Variants in GADL1 observed in about 807,000 individuals in gnomAD.
GADL1 encodes GAD like acidic amino acid decarboxylase 1, also known as acidic amino acid decarboxylase GADL1.
Under a neutral mutation model 69.5 loss-of-function variants are expected in GADL1, and 71 were observed. That is an observed-to-expected ratio of 1.02 (90% CI 0.84 to 1.25). The LOEUF is 1.25. Among genes scored for constraint, GADL1 ranks in the 50% most tolerant of loss-of-function variants. The probability of loss-of-function intolerance (pLI) is 0.00; values close to 1 mark genes in which losing one functional copy is unlikely to be tolerated. For missense variants in GADL1, 737 were observed against 631.8 expected (o/e 1.17, Z -1.79); for synonymous variants, 254 against 214.4 (o/e 1.18, Z -1.62).
rs1697244734 is a variant in GADL1 at position 30,805,874 on chromosome 3, A to G, written c.1051-4786T>C. Among the ~76,000 whole-genome samples the G allele has an allele frequency of 2.6e-5, 4 of 151,418 alleles. No homozygotes were observed. In the Admixed American group the frequency reaches 2.6e-4, roughly 10 times the overall value. ...ACCTCAAATCAGGCATTAGAGTCTC[A>G]TAAGAATCACGTGACCTAGATCCCT... On this transcript the variant is annotated intron_variant, in intron 11 of 14. Coordinates refer to ENST00000282538, the MANE Select transcript of GADL1 (RefSeq NM_207359.3).
chr3:30,786,471 T>C (rs990999536), intron 12 of GADL1, 65 bp from the exon 13 acceptor site: 2 of 854,896 alleles, frequency 2.3e-6, no homozygotes, highest in African/African-American at 3.4e-5. Context: ...ACATGACTGA[T>C]ATGACAAAAC....
intron 3 of GADL1, among the ~76,000 whole-genome samples, chr3:30,855,539 C>A (rs927352204): frequency 6.6e-6 from 1 of 152,040 alleles, no homozygotes; most frequent in Non-Finnish European, 1.5e-5. Flanking sequence ...CTTACATACA[C>A]TTCTGATTCA....
rs534877171 is a variant in GADL1 at position 30,874,866 on chromosome 3, C to CA, written c.38-13102dup. Among the ~76,000 whole-genome samples the CA allele has an allele frequency of 1.9e-3, 282 of 151,822 alleles. 1 individual carries two copies. The South Asian group carries it at 0.028, about 15-fold the overall frequency. On this transcript the variant is annotated intron_variant, in intron 1 of 14. Coordinates refer to ENST00000282538, the MANE Select transcript of GADL1 (RefSeq NM_207359.3). Reference sequence around the variant, plus strand: ...GTATATCAGCTGTCTATAGTTGTACCAAAAAAGGAACCCAAAATTTAGTAG... The same window carrying CA: ...GTATATCAGCTGTCTATAGTTGTACCAAAAAAAGGAACCCAAAATTTAGTAG...
intron 1 of GADL1, among the ~76,000 whole-genome samples, chr3:30,867,435 T>C (rs548517051): frequency 2.1e-5 from 3 of 145,014 alleles, no homozygotes; most frequent in Non-Finnish European, 3.0e-5. Flanking sequence ...TATATATATA[T>C]ATATACACAT....
intron 12 of GADL1, among the ~76,000 whole-genome samples, chr3:30,791,588 T>A (rs953229328): frequency 6.6e-6 from 1 of 152,158 alleles, no homozygotes; most frequent in African/African-American, 2.4e-5. Context: ...AGGAAAGGCA[T>A]CCTAAAACAG....
chr3:30,774,901 T>TA (rs776070474), intron 14 of GADL1, among the ~76,000 whole-genome samples: 1 of 151,382 alleles, frequency 6.6e-6, no homozygotes, highest in Non-Finnish European at 1.5e-5. Flanking sequence ...GAGACGGAGG[T>TA]AAAGAGGGGC....
At chr3:30,885,830 C>G (rs1013640190) in intron 1 of GADL1, among the ~76,000 whole-genome samples, 11 of 152,088 alleles carry the variant, frequency 7.2e-5, no homozygotes, top group Admixed American at 2.0e-4. Flanking sequence ...TGGTTTCGAA[C>G]TCCTGATCTC....
intron 13 of GADL1, chr3:30,778,672 AAAGTTGGC>A: frequency 3.2e-5 from 5 of 158,674 alleles, no homozygotes; most frequent in South Asian, 1.9e-4. Flanking sequence ...TAAGGCAGCC[AAAGTTGGC>A]CCCTACACCT....
At chr3:30,734,142 G>C (rs138486334) in intron 14 of GADL1, among the ~76,000 whole-genome samples, 1 of 152,150 alleles carries the variant, frequency 6.6e-6, no homozygotes, top group African/African-American at 2.4e-5. Flanking sequence ...CATAACTAAA[G>C]CATTATGGTT....
intron 8 of GADL1, among the ~76,000 whole-genome samples, chr3:30,840,624 G>T (rs1486103586): frequency 2.6e-5 from 4 of 152,138 alleles, no homozygotes; most frequent in African/African-American, 9.7e-5. Flanking sequence ...TGTCTTTAAT[G>T]GTTGCGCTTT....
At chr3:30,866,425 C>T (rs964007273) in intron 1 of GADL1, among the ~76,000 whole-genome samples, 10 of 152,050 alleles carry the variant, frequency 6.6e-5, no homozygotes, top group Non-Finnish European at 1.3e-4. Context: ...TACCACTGCA[C>T]TTCAGCCTGG....
In GADL1 at chr3:30,735,702, G is replaced by A. The variant is rs549548439; in HGVS notation, c.1393-7287C>T. Among the ~76,000 whole-genome samples, 10 of 152,226 alleles carry A rather than the reference G, an allele frequency of 6.6e-5. No homozygotes were observed. In the East Asian group the frequency reaches 1.5e-3, roughly 24 times the overall value. On this transcript the variant is annotated intron_variant, in intron 14 of 14. Coordinates refer to ENST00000282538, the MANE Select transcript of GADL1 (RefSeq NM_207359.3). The stretch of plus-strand genomic sequence containing the variant: ...TGAGTGATGAACACTGTGTCATGGC[G>A]GTGGGTATATAAACACCAGCAGACA...
intron 1 of GADL1, among the ~76,000 whole-genome samples, chr3:30,864,635 C>T (rs1488794114): frequency 6.6e-6 from 1 of 151,896 alleles, no homozygotes; most frequent in Non-Finnish European, 1.5e-5. Flanking sequence ...AGCATTTGTC[C>T]AGGTCAGAAA....
chr3:30,849,536 CTGTGTGTGTGTGTG>C (rs71914328), intron 6 of GADL1, among the ~76,000 whole-genome samples: 9 of 148,936 alleles, frequency 6.0e-5, no homozygotes, highest in Non-Finnish European at 1.0e-4. Context: ...GTGGCAATAT[CTGTGTGTGTGTGTG>C]TGTGTGTGTT....
At chr3:30,846,445 G>C (rs1272651207) in intron 6 of GADL1, among the ~76,000 whole-genome samples, 2 of 152,126 alleles carry the variant, frequency 1.3e-5, no homozygotes, top group African/African-American at 4.8e-5. Flanking sequence ...ATGACCTTGA[G>C]CTTCTCAATG....
intron 14 of GADL1, among the ~76,000 whole-genome samples, chr3:30,752,845 A>T (rs1695859142): frequency 7.0e-6 from 1 of 142,058 alleles, no homozygotes; most frequent in Admixed American, 6.8e-5. Context: ...AGTTAACAAG[A>T]TAATTAAGTT....
chr3:30,797,200 C>T lies in GADL1; in HGVS notation c.1250+3689G>A, dbSNP rs539561059. Among the ~76,000 whole-genome samples, 15 of 152,182 alleles carry T rather than the reference C, an allele frequency of 9.9e-5. 1 individual carries two copies. Among genetic ancestry groups the T allele is most frequent in the Middle Eastern group, 6.8e-3 (2 of 294 alleles). ...TGATCAAGGAATATGAAAGACGTGG[C>T]GAGTAGACTCAAACACCCCAGCTGC... On this transcript the variant is annotated intron_variant, in intron 12 of 14. Coordinates refer to ENST00000282538, the MANE Select transcript of GADL1 (RefSeq NM_207359.3).
intron 11 of GADL1, among the ~76,000 whole-genome samples, chr3:30,828,107 G>C (rs766742713): frequency 3.6e-4 from 55 of 151,924 alleles, no homozygotes; most frequent in Non-Finnish European, 6.2e-4. Context: ...GCTCTATGAA[G>C]AAAAGCAAGA....
intron 1 of GADL1, among the ~76,000 whole-genome samples, chr3:30,875,753 G>A (rs1698569032): frequency 6.6e-6 from 1 of 151,890 alleles, no homozygotes; most frequent in Non-Finnish European, 1.5e-5. Context: ...CAGAAGTGAA[G>A]CAGTGGCCCA....
Sources: gnomAD v4.1 joint callset for allele counts (sites outside exome capture counted in the v4.1 genomes callset) on GRCh38, gnomAD v4.1.1 for gene constraint, MANE v1.5 for transcripts, NCBI Gene and HGNC (gene_info 2026-07-23, HGNC 2026-07-21) for gene names.